SELPLG: variants seen among roughly 807,000 people sequenced by gnomAD.
The protein encoded by SELPLG is selectin P ligand.
In SELPLG, 2 loss-of-function variants were observed where a neutral mutation model predicts 1.1. The observed-to-expected ratio is 1.82, with a 90% CI of 0.74 to 5.71. The LOEUF (loss-of-function observed/expected upper bound fraction) is 5.71. SELPLG is among the 30% of genes most tolerant of loss of function. SELPLG has a pLI of 0.05. For synonymous variants in SELPLG, 230 were observed against 221.2 expected (o/e 1.04, Z -0.35); for missense variants, 478 against 524.7 (o/e 0.91, Z 0.87).
chr12:108,629,439 G>A (rs1451920291), intron 1 of SELPLG, among the ~76,000 whole-genome samples: 3 of 152,192 alleles, frequency 2.0e-5, no homozygotes, highest in Non-Finnish European at 2.9e-5. Context: ...AGCCAGGCAC[G>A]GTGCCTCGAG....
intron 1 of SELPLG, among the ~76,000 whole-genome samples, chr12:108,630,795 C>T (rs138503260): frequency 2.0e-4 from 31 of 152,308 alleles, no homozygotes; most frequent in Admixed American, 8.5e-4. Context: ...AGTCACCTCC[C>T]GTGTTTAAAT....
intron 1 of SELPLG, among the ~76,000 whole-genome samples, chr12:108,632,439 C>T (rs2032078497): frequency 6.7e-6 from 1 of 148,434 alleles, no homozygotes; most frequent in South Asian, 2.1e-4. Flanking sequence ...AATGTGTGTA[C>T]AGCAGGGCAC....
At position 108,623,127 on chromosome 12, in the gene SELPLG, G is replaced by A; in HGVS notation, c.1181C>T (p.Pro394Leu). Residue 394 changes from proline (P) to leucine (L), a missense_variant, in exon 2 of 2, where the codon CCA becomes CTA. Transcript: ENST00000550948. ...CCCCTCACGGTCCTCCCTGGGCTCT[G>A]GCGTCAGGCCCGGGCTCTTGGCCTT... ...LSKAKSPGLT[P>L]EPREDREGDD... is the part of the protein sequence containing the mutation. The A allele has an allele frequency of 6.3e-7, 1 of 1,589,112 alleles. No homozygotes were observed. The highest frequency in any genetic ancestry group is 1.1e-5 in the South Asian group (1 of 88,108).
At chr12:108,628,098 A>T (rs1401909700) in intron 1 of SELPLG, among the ~76,000 whole-genome samples, 4 of 151,966 alleles carry the variant, frequency 2.6e-5, no homozygotes, top group Non-Finnish European at 4.4e-5. Context: ...AAATAAAAAA[A>T]TTTTAAATAG....
At position 108,623,832 on chromosome 12, in the gene SELPLG, G is replaced by A. The variant is rs774182930; in HGVS notation, c.476C>T (p.Thr159Met). 71 of 1,585,656 alleles carry A rather than the reference G, an allele frequency of 4.5e-5. 1 individual carries two copies. In the Admixed American group the frequency reaches 6.0e-4, roughly 13 times the overall value. The change falls in exon 2 of 2, where the codon ACG becomes ATG. Residue 159 changes from threonine (T) to methionine (M), a missense_variant. Transcript: ENST00000550948. ...TGCCAGTGGAGTGGTCTGTGCCTCCGTGGCCGTCAGTCGAGTTGTCTGTGC... is the reference window on the plus strand; with the variant it reads ...TGCCAGTGGAGTGGTCTGTGCCTCCATGGCCGTCAGTCGAGTTGTCTGTGC... The part of the protein sequence containing the change: ...TEAQTTRLTA[T>M]EAQTTPLAAT...
rs1005333468 is a variant in SELPLG at position 108,622,633 on chromosome 12, G to A, written c.*436C>T. On this transcript the variant is annotated 3_prime_UTR_variant, in exon 2 of 2. Coordinates refer to ENST00000550948, the MANE Select transcript of SELPLG (RefSeq NM_003006.4). ...TGTCCACTTCCTGTTTGGTGACCAT[G>A]GCAACCAAAAGACAATGGCAGTGCA... The A allele has an allele frequency of 3.9e-4, 65 of 165,418 alleles. No homozygotes were observed. The highest frequency in any genetic ancestry group is 1.5e-3 in the African/African-American group (64 of 41,856). The allele number at this position is 165,418 out of a possible 1,614,324, so 10.2% of individuals were successfully genotyped here.
chr12:108,624,890 A>G (rs1288275251), intron 1 of SELPLG, among the ~76,000 whole-genome samples: 1 of 151,966 alleles, frequency 6.6e-6, no homozygotes, highest in Non-Finnish European at 1.5e-5. Flanking sequence ...GGGTTTCACT[A>G]TGTTGGCCAG....
chr12:108,632,188 G>A, intron 1 of SELPLG: 1 of 464,914 alleles, frequency 2.2e-6, no homozygotes. Flanking sequence ...GCTGAGGGAG[G>A]CATCAACCAC....
chr12:108,629,505 G>A (rs1202362655), intron 1 of SELPLG, among the ~76,000 whole-genome samples: 1 of 152,188 alleles, frequency 6.6e-6, no homozygotes, highest in Non-Finnish European at 1.5e-5. Flanking sequence ...GAAGGCAGGG[G>A]TTCAAGACCA....
At chr12:108,624,686 C>CT (rs34381191) in intron 1 of SELPLG, among the ~76,000 whole-genome samples, 6,791 of 142,770 alleles carry the variant, frequency 0.048, 692 homozygotes, top group African/African-American at 0.17. Flanking sequence ...CATGTCACTC[C>CT]TTTTTTCTTT....
chr12:108,624,666 A>G (rs1424200297), intron 1 of SELPLG, among the ~76,000 whole-genome samples: 1 of 146,754 alleles, frequency 6.8e-6, no homozygotes, highest in Non-Finnish European at 1.5e-5. Context: ...TTCTAGTTCT[A>G]TTAACTTTTC....
intron 1 of SELPLG, among the ~76,000 whole-genome samples, chr12:108,626,181 A>G (rs1177421411): frequency 7.4e-6 from 1 of 134,362 alleles, no homozygotes; most frequent in South Asian, 2.3e-4. Flanking sequence ...GTTGCCCAGG[A>G]TGGAGTGCAG....
chr12:108,623,632 T>C lies in SELPLG; in HGVS notation c.676A>G (p.Thr226Ala), dbSNP rs370829181. The change falls in exon 2 of 2, where the codon ACC (threonine) becomes GCC (alanine). Residue 226 changes from threonine (T) to alanine (A), a missense_variant. Thr to Ala is a moderately conservative substitution (Grantham distance 58). Transcript: ENST00000550948. ...GTGGTCTGTGCCTCCATGGCTGTGGTTTGAGTGGTCTGTGCCTCCATGGCT... is the reference window on the plus strand; with the variant it reads ...GTGGTCTGTGCCTCCATGGCTGTGGCTTGAGTGGTCTGTGCCTCCATGGCT... ...PAAMEAQTTQ[T>A]TAMEAQTTAP... 1.2e-5 allele frequency: 19 copies of C among 1,533,016 alleles called. No individual in the cohort carries two copies. The African/African-American group carries it at 3.0e-4, about 24-fold the overall frequency. The allele number at this position is 1,533,016 out of a possible 1,614,324, so 95.0% of individuals were successfully genotyped here. A position where few individuals can be genotyped will look rare whatever the true frequency, so the allele number is the denominator to read the frequency against.
At position 108,633,849 on chromosome 12, in the gene SELPLG, C is replaced by G. The variant is rs1298122858; in HGVS notation, c.-115G>C. 6.6e-6 allele frequency: 1 copy of G among 152,322 alleles called. No homozygotes were observed. Among genetic ancestry groups the G allele is most frequent in the Non-Finnish European group, 1.5e-5 (1 of 68,126 alleles). 9.4% of individuals were successfully genotyped at this position (152,322 alleles called of 1,614,324 possible). A position where few individuals can be genotyped will look rare whatever the true frequency, so the allele number is the denominator to read the frequency against. ...ACGCTGCCAGGCACTGCTGTGGCAC[C>G]CCCTGCGGCAGTCCCGGATCCGAGC... On this transcript the variant is annotated 5_prime_UTR_variant, in exon 1 of 2. Transcript: ENST00000550948.
At chr12:108,633,196 G>A (rs56200827) in intron 1 of SELPLG, among the ~76,000 whole-genome samples, 4,774 of 152,228 alleles carry the variant, frequency 0.031, 103 homozygotes, top group South Asian at 0.11. Context: ...AGGCAAACTG[G>A]CCAGGGAGGG....
chr12:108,631,177 C>A (rs573034463), intron 1 of SELPLG, among the ~76,000 whole-genome samples: 1 of 152,236 alleles, frequency 6.6e-6, no homozygotes, highest in African/African-American at 2.4e-5. Context: ...CACTTTGCAA[C>A]CTCTTTCCGT....
At chr12:108,628,196 G>A (rs1054259991) in intron 1 of SELPLG, among the ~76,000 whole-genome samples, 1 of 150,794 alleles carries the variant, frequency 6.6e-6, no homozygotes, top group African/African-American at 2.5e-5. Flanking sequence ...CTGGAAGGTT[G>A]AGACTGCAGT....
rs772874714 is a variant in SELPLG, at chr12:108,624,183, TG to T, written c.124del (p.Gln42ArgfsTer8). 1.2e-5 allele frequency: 20 copies of T among 1,614,092 alleles called. No individual in the cohort carries two copies. Among genetic ancestry groups the T allele is most frequent in the Non-Finnish European group, 1.7e-5 (20 of 1,180,036 alleles). ...LGPLLARDRRQATEYEYLDYD... is the reference protein window; with the variant it reads ...LGPLLARDRRXATEYEYLDYD... ...ATCTAGGTACTCATATTCGGTGGCCTGTCTCCGGTCCCGGGCAAGCAGGGGA... is the reference window on the plus strand; with the variant it reads ...ATCTAGGTACTCATATTCGGTGGCCTTCTCCGGTCCCGGGCAAGCAGGGGA... On this transcript the variant is annotated frameshift_variant, in exon 2 of 2. Transcript: ENST00000550948. LOFTEE classifies it low-confidence loss of function (END_TRUNC).
chr12:108,622,746 G>A lies in SELPLG; in HGVS notation c.*323C>T, dbSNP rs8179144. ...AGGAGAAGCGGGGAGAGCCATGGGAGATGTTAGAGGGACCCAGAGAAGATG... is the reference window on the plus strand; with the variant it reads ...AGGAGAAGCGGGGAGAGCCATGGGAAATGTTAGAGGGACCCAGAGAAGATG... On this transcript the variant is annotated 3_prime_UTR_variant, in exon 2 of 2. Coordinates refer to ENST00000550948, the MANE Select transcript of SELPLG (RefSeq NM_003006.4). 3.7e-3 allele frequency: 1,105 copies of A among 301,828 alleles called. 8 individuals are homozygous for A. The highest frequency in any genetic ancestry group is 0.022 in the African/African-American group (1,028 of 46,580). The allele number at this position is 301,828 out of a possible 1,614,324, so 18.7% of individuals were successfully genotyped here.
Sources: allele counts gnomAD v4.1 joint callset (sites outside exome capture counted in the v4.1 genomes callset), GRCh38; gene constraint gnomAD v4.1.1; transcripts MANE v1.5; gene names NCBI Gene and HGNC (gene_info 2026-07-23, HGNC 2026-07-21).